Variants in ADGRL3 observed in about 807,000 individuals in gnomAD.
ADGRL3 encodes calcium-independent alpha-latrotoxin receptor 3.
ADGRL3 carries 62 observed loss-of-function variants against 153.5 expected under a neutral mutation model. That is an observed-to-expected ratio of 0.40 (90% CI 0.33 to 0.50). The LOEUF (loss-of-function observed/expected upper bound fraction) is 0.50, where lower values mean the gene tolerates loss of function less well. Ranked by LOEUF, ADGRL3 falls within the 20% of genes least tolerant of loss-of-function variation. ADGRL3 has a pLI of 0.47. For missense variants in ADGRL3, 1,641 were observed against 1,859.4 expected (o/e 0.88, Z 2.16); for synonymous variants, 710 against 672.5 (o/e 1.06, Z -0.86).
At chr4:61,496,776 C>T (rs964079528) in intron 2 of ADGRL3, among the ~76,000 whole-genome samples, 1 of 151,722 alleles carries the variant, frequency 6.6e-6, no homozygotes, top group East Asian at 2.0e-4. Flanking sequence ...CCCATCTCTA[C>T]TAAAAATACA....
chr4:61,992,854 G>A (rs2099108167), intron 19 of ADGRL3, among the ~76,000 whole-genome samples: 1 of 152,060 alleles, frequency 6.6e-6, no homozygotes, highest in South Asian at 2.1e-4. Context: ...AGTTTTGCAA[G>A]GCTATAATTT....
chr4:61,957,669 G>A (rs1333401825), intron 17 of ADGRL3, among the ~76,000 whole-genome samples: 5 of 150,942 alleles, frequency 3.3e-5, no homozygotes, highest in Non-Finnish European at 7.4e-5. Context: ...AAAGACCTTA[G>A]GAAAAAACTA....
At chr4:62,037,602 G>T (rs1725788010) in intron 23 of ADGRL3, 129 bp from the exon 24 acceptor site, 2 of 1,012,096 alleles carry the variant, frequency 2.0e-6, no homozygotes, top group African/African-American at 1.6e-5. Flanking sequence ...ATGCTGAACA[G>T]ACTTTCTTAC....
chr4:61,994,068 A>G (rs1014618756), intron 19 of ADGRL3, among the ~76,000 whole-genome samples: 1 of 152,210 alleles, frequency 6.6e-6, no homozygotes, highest in African/African-American at 2.4e-5. Context: ...GTTTCTTGTT[A>G]GAGTGCCTAT....
chr4:61,995,991 G>A (rs1168758561), intron 19 of ADGRL3, among the ~76,000 whole-genome samples: 1 of 152,030 alleles, frequency 6.6e-6, no homozygotes, highest in Non-Finnish European at 1.5e-5. Context: ...TATGTGTATG[G>A]CTTTTTCTTT....
In ADGRL3 at chr4:62,011,465, C is replaced by A. The variant is rs2099186241; in HGVS notation, c.3395+13200C>A. ...TATGTCTTAGAGTATAAAAATGTTCCTTTCCTCTCGGTATAGGGCGGTTAT... is the reference window on the plus strand; with the variant it reads ...TATGTCTTAGAGTATAAAAATGTTCATTTCCTCTCGGTATAGGGCGGTTAT... On this transcript the variant is annotated intron_variant, in intron 21 of 26. Transcript: ENST00000683033. 4.6e-5 allele frequency among the ~76,000 whole-genome samples: 7 copies of A among 151,798 alleles called. No homozygotes were observed. The South Asian group carries it at 1.0e-3, about 23-fold the overall frequency.
intron 2 of ADGRL3, among the ~76,000 whole-genome samples, chr4:61,432,914 A>C (rs1178086228): frequency 6.6e-6 from 1 of 151,110 alleles, no homozygotes; most frequent in Admixed American, 6.6e-5. Context: ...CAACCTCCCA[A>C]AGTGCTGGGA....
rs182830062 is a variant in ADGRL3 at position 61,871,525 on chromosome 4, C to A, written c.1481-21131C>A. ...TGACATAAGCCGGTCACTAAAGGCA[C>A]ATACTGTATGATTCCATTTATATGA... is the stretch of plus-strand genomic sequence containing the variant. On this transcript the variant is annotated intron_variant, in intron 9 of 26. Coordinates refer to ENST00000683033, the MANE Select transcript of ADGRL3 (RefSeq NM_001387552.1). 5.9e-3 allele frequency among the ~76,000 whole-genome samples: 898 copies of A among 152,164 alleles called. 9 individuals are homozygous for A. The highest frequency in any genetic ancestry group is 0.02 in the African/African-American group (850 of 41,496).
chr4:61,372,219 T>C lies in ADGRL3; in HGVS notation c.-239-10905T>C, dbSNP rs536975587. On this transcript the variant is annotated intron_variant, in intron 1 of 26. Coordinates refer to ENST00000683033, the MANE Select transcript of ADGRL3 (RefSeq NM_001387552.1). The stretch of plus-strand genomic sequence containing the variant: ...AGTAATTTGATCGTCTGAAGCCTTC[T>C]TCTCTCAGCTCGTCAAAGTCATTCT... Among the ~76,000 whole-genome samples, 150 of 152,318 alleles carry C rather than the reference T, an allele frequency of 9.8e-4. 3 individuals are homozygous for C. The highest frequency in any genetic ancestry group is 6.8e-3 in the Middle Eastern group (2 of 294).
intron 8 of ADGRL3, among the ~76,000 whole-genome samples, chr4:61,784,342 T>C (rs920720681): frequency 2.0e-5 from 3 of 152,162 alleles, no homozygotes; most frequent in Non-Finnish European, 2.9e-5. Context: ...TTGTGTATTA[T>C]ACAATTCCGA....
In ADGRL3 at chr4:61,200,552, G is replaced by A. The variant is rs974219209; in HGVS notation, c.-1453G>A. 1.3e-5 allele frequency among the ~76,000 whole-genome samples: 2 copies of A among 149,268 alleles called. No individual in the cohort carries two copies. The highest frequency in any genetic ancestry group is 3.0e-5 in the Non-Finnish European group (2 of 67,272). On this transcript the variant is annotated 5_prime_UTR_variant, in exon 1 of 27. Transcript: ENST00000683033. ...GCTGCTGGTTTTTCTCGGACTGCTC[G>A]TTGCCTCCGCTCCGGCAGCTGCTGC... is the stretch of plus-strand genomic sequence containing the variant.
At chr4:61,887,044 T>C (rs2098543616) in intron 9 of ADGRL3, among the ~76,000 whole-genome samples, 1 of 151,908 alleles carries the variant, frequency 6.6e-6, no homozygotes, top group Non-Finnish European at 1.5e-5. Flanking sequence ...TTTTTATTTT[T>C]AGTAGAGATG....
chr4:61,725,548 T>C (rs1366743022), intron 6 of ADGRL3, among the ~76,000 whole-genome samples: 39 of 151,026 alleles, frequency 2.6e-4, no homozygotes, highest in Non-Finnish European at 1.3e-4. Flanking sequence ...TGAGCCAAGA[T>C]TGCGCCATTG....
At chr4:61,388,083 C>G (rs539412912) in intron 2 of ADGRL3, among the ~76,000 whole-genome samples, 6 of 152,222 alleles carry the variant, frequency 3.9e-5, no homozygotes, top group Non-Finnish European at 7.4e-5. Context: ...TCATCCACCC[C>G]TCTCCCACTA....
intron 5 of ADGRL3, among the ~76,000 whole-genome samples, chr4:61,669,211 G>A (rs1448095516): frequency 6.6e-6 from 1 of 151,920 alleles, no homozygotes; most frequent in Non-Finnish European, 1.5e-5. Flanking sequence ...TAGCCATTTA[G>A]TCTCTTTTTA....
At chr4:61,389,261 G>A (rs1008374954) in intron 2 of ADGRL3, among the ~76,000 whole-genome samples, 1 of 152,178 alleles carries the variant, frequency 6.6e-6, no homozygotes, top group Non-Finnish European at 1.5e-5. Context: ...AGATTATTTA[G>A]AAGGCAGTTG....
chr4:61,917,198 C>T (rs188399754), intron 13 of ADGRL3, among the ~76,000 whole-genome samples: 14 of 152,212 alleles, frequency 9.2e-5, no homozygotes, highest in South Asian at 2.1e-4. Flanking sequence ...AATTCAGAGG[C>T]GTGTCCTCCT....
chr4:61,939,278 C>T (rs2098860462), intron 15 of ADGRL3, among the ~76,000 whole-genome samples: 1 of 152,048 alleles, frequency 6.6e-6, no homozygotes, highest in East Asian at 1.9e-4. Context: ...ATACATTTAG[C>T]TTGAGGAAGC....
chr4:62,013,962 T>C (rs1220632474), intron 21 of ADGRL3, among the ~76,000 whole-genome samples: 1 of 152,002 alleles, frequency 6.6e-6, no homozygotes, highest in Non-Finnish European at 1.5e-5. Flanking sequence ...AATATGTGTG[T>C]GTGTTTTTTT....
Sources: gnomAD v4.1 joint callset for allele counts (sites outside exome capture counted in the v4.1 genomes callset) on GRCh38, gnomAD v4.1.1 for gene constraint, MANE v1.5 for transcripts, NCBI Gene and HGNC (gene_info 2026-07-23, HGNC 2026-07-21) for gene names.